The following SREBF2 variants were observed in gnomAD, a reference collection of about 807,000 sequenced individuals.
SREBF2 encodes the protein sterol regulatory element binding transcription factor 2, also known as sterol regulatory element-binding protein 2.
Under a neutral mutation model 113.1 loss-of-function variants are expected in SREBF2, and 55 were observed. The ratio of observed to expected loss-of-function variants is 0.49; its 90% CI spans 0.39 to 0.61. SREBF2 has a LOEUF of 0.61. Among genes scored for constraint, SREBF2 ranks in the 20% least tolerant of loss-of-function variants. SREBF2 has a pLI of 0.00. For synonymous variants in SREBF2, 593 were observed against 605.7 expected (o/e 0.98, Z 0.31); for missense variants, 1,349 against 1,487.4 (o/e 0.91, Z 1.53).
In SREBF2 at chr22:41,877,942, G is replaced by A. The variant is rs2077212036; in HGVS notation, c.1580G>A (p.Gly527Asp). 1.2e-6 allele frequency: 2 copies of A among 1,614,148 alleles called. No individual in the cohort carries two copies. The highest frequency in any genetic ancestry group is 1.3e-5 in the African/African-American group (1 of 75,050). ...ACTCTGCTGAGACGCTCCTTCTTAG[G>A]TTCTGGGGGCTGGTTTGACTGGATG... ...SGRSVLSFES[G>D]SGGWFDWMMP... Residue 527 changes from glycine (G) to aspartate (D), a missense_variant and splice_region_variant, in exon 9 of 19, where the codon GGT (glycine) becomes GAT (aspartate). This residue lies in a region of SREBF2 where 699 missense variants were observed against 843.3 expected (regional missense o/e 0.83). Coordinates refer to ENST00000361204, the MANE Select transcript of SREBF2 (RefSeq NM_004599.4).
chr22:41,844,191 G>A (rs1569370880), intron 1 of SREBF2, among the ~76,000 whole-genome samples: 2 of 151,962 alleles, frequency 1.3e-5, no homozygotes, highest in Non-Finnish European at 2.9e-5. Flanking sequence ...TGGGGGTTGG[G>A]TACCTTAGCT....
Position 41,866,944 on chromosome 22 carries a change from G to GGCAGCA in SREBF2, c.218_223dup (p.Ser73_Ser74dup), listed in dbSNP as rs143615881. 16 of 1,613,126 alleles carry GGCAGCA rather than the reference G, an allele frequency of 9.9e-6. No homozygotes were observed. The highest frequency in any genetic ancestry group is 2.7e-5 in the African/African-American group (2 of 74,604). On this transcript the variant is annotated inframe_insertion, in exon 2 of 19. Coordinates refer to ENST00000361204, the MANE Select transcript of SREBF2 (RefSeq NM_004599.4). ...TAGTGGTAGCAGCAGCGGCAGCAGT[G>GGCAGCA]GCAGCAGCAGCAGCAGCAGCAATGG...
chr22:41,848,376 C>T (rs545878891), intron 1 of SREBF2, among the ~76,000 whole-genome samples: 14 of 152,170 alleles, frequency 9.2e-5, no homozygotes, highest in Admixed American at 4.6e-4. Flanking sequence ...CGTGAGCCAC[C>T]GCGCCTGGCC....
At chr22:41,891,042 C>T (rs186159688) in intron 11 of SREBF2, among the ~76,000 whole-genome samples, 30 of 152,184 alleles carry the variant, frequency 2.0e-4, no homozygotes, top group East Asian at 7.7e-4. Flanking sequence ...TTTGGGCCCT[C>T]GTGAGGGACC....
intron 1 of SREBF2, among the ~76,000 whole-genome samples, chr22:41,857,090 A>C (rs2076984107): frequency 1.3e-5 from 2 of 149,584 alleles, no homozygotes; most frequent in Admixed American, 1.3e-4. Flanking sequence ...AAAGAATTTG[A>C]TTTGATTTAA....
intron 1 of SREBF2, 117 bp from the exon 2 acceptor site, chr22:41,866,714 C>A: frequency 8.2e-7 from 1 of 1,226,512 alleles, no homozygotes; most frequent in Non-Finnish European, 1.2e-6. Flanking sequence ...GTTTCCTGAC[C>A]CATTTCTGCC....
chr22:41,842,288 A>G (rs1387370694), intron 1 of SREBF2, among the ~76,000 whole-genome samples: 2 of 152,190 alleles, frequency 1.3e-5, no homozygotes, highest in Non-Finnish European at 2.9e-5. Flanking sequence ...TTCAAAATGT[A>G]TTTGTTATTA....
chr22:41,868,929 G>T, intron 3 of SREBF2, 137 bp downstream of exon 3: 1 of 1,099,134 alleles, frequency 9.1e-7, no homozygotes. Context: ...GGATGCACCT[G>T]TGAGCAGCGT....
intron 10 of SREBF2, among the ~76,000 whole-genome samples, chr22:41,881,811 C>T (rs1486828862): frequency 6.6e-6 from 1 of 152,168 alleles, no homozygotes; most frequent in African/African-American, 2.4e-5. Flanking sequence ...CTGGCTCACA[C>T]CTGTAGTCCC....
intron 1 of SREBF2, among the ~76,000 whole-genome samples, chr22:41,857,396 A>G (rs2148362667): frequency 6.6e-6 from 1 of 152,342 alleles, no homozygotes; most frequent in Non-Finnish European, 1.5e-5. Flanking sequence ...CAGGGCTGCC[A>G]TGAGAGGCGG....
intron 2 of SREBF2, among the ~76,000 whole-genome samples, chr22:41,867,723 C>A (rs944816800): frequency 6.6e-6 from 1 of 151,994 alleles, no homozygotes; most frequent in Admixed American, 6.6e-5. Context: ...AGGAGAATGG[C>A]GTGAACCCGG....
In SREBF2 at chr22:41,866,903, T is replaced by G. The variant is rs1394627092; in HGVS notation, c.161T>G (p.Phe54Cys). 6.2e-7 allele frequency: 1 copy of G among 1,613,906 alleles called. No individual in the cohort carries two copies. The highest frequency in any genetic ancestry group is 8.5e-7 in the Non-Finnish European group (1 of 1,179,998). Residue 54 changes from phenylalanine (F) to cysteine (C), a missense_variant, in exon 2 of 19, where the codon TTT becomes TGT. Phe to Cys is a radical substitution (Grantham distance 205). Transcript: ENST00000361204. Reference protein sequence around the residue: ...DLFSEQLCSSFPGSGGSGSSS... With the variant: ...DLFSEQLCSSCPGSGGSGSSS... Reference sequence around the variant, plus strand: ...TTTTCAGAACAGCTGTGTAGCTCCTTTCCTGGCAGTGGTGGTAGTGGTAGC... The same window carrying G: ...TTTTCAGAACAGCTGTGTAGCTCCTGTCCTGGCAGTGGTGGTAGTGGTAGC...
Position 41,904,931 on chromosome 22 carries a change from G to A in SREBF2, c.3162G>A (p.Leu1054=), listed in dbSNP as rs747194744. 6.2e-7 allele frequency: 1 copy of A among 1,605,866 alleles called. No individual in the cohort carries two copies. The highest frequency in any genetic ancestry group is 8.5e-7 in the Non-Finnish European group (1 of 1,178,862). The change falls in exon 18 of 19, where the codon CTG becomes CTA. Residue 1054 remains leucine (L), a synonymous_variant. Coordinates refer to ENST00000361204, the MANE Select transcript of SREBF2 (RefSeq NM_004599.4). ...GASPTRTHQL[L]EHSLRRRTTQ... Reference sequence around the variant, plus strand: ...GCCCCACCCGCACCCACCAGCTGCTGGAACACAGCCTGCGGCGGCGCACCA... The same window carrying A: ...GCCCCACCCGCACCCACCAGCTGCTAGAACACAGCCTGCGGCGGCGCACCA...
At chr22:41,872,717 C>T (rs4820447) in intron 4 of SREBF2, among the ~76,000 whole-genome samples, 18,764 of 151,388 alleles carry the variant, frequency 0.12, 1,675 homozygotes, top group Admixed American at 0.31. Context: ...ATGATGAAAT[C>T]CCATCTCTAC....
chr22:41,899,759 A>G (rs912727516), intron 15 of SREBF2, among the ~76,000 whole-genome samples: 1 of 152,164 alleles, frequency 6.6e-6, no homozygotes, highest in African/African-American at 2.4e-5. Flanking sequence ...ACCTCGCTCC[A>G]GAGCAGCAGA....
Position 41,875,740 on chromosome 22 carries a change from A to G in SREBF2, c.1386+16A>G, listed in dbSNP as rs781580879. ...TGATGCAAAGGTACAGACTTTTGAA[A>G]TCTCCTGATCCCTGGAATCTTTCCC... On this transcript the variant is annotated intron_variant, in intron 7 of 18. Transcript: ENST00000361204. The G allele has an allele frequency of 7.3e-5, 118 of 1,613,692 alleles. 1 individual carries two copies. The highest frequency in any genetic ancestry group is 9.8e-5 in the Non-Finnish European group (116 of 1,179,810).
At chr22:41,894,014 T>A (rs2077388554) in intron 12 of SREBF2, among the ~76,000 whole-genome samples, 1 of 152,180 alleles carries the variant, frequency 6.6e-6, no homozygotes, top group South Asian at 2.1e-4. Context: ...TTTTAAATAA[T>A]AACTGTATTG....
chr22:41,900,885 CAG>C (rs1569411812), intron 16 of SREBF2: 3 of 520,090 alleles, frequency 5.8e-6, no homozygotes, highest in South Asian at 1.5e-5. Flanking sequence ...GGCACACAAA[CAG>C]AGCTGAAGAC....
At chr22:41,893,407 TTTGTTTG>T (rs2077383253) in intron 12 of SREBF2, 122 bp downstream of exon 12, 1 of 959,856 alleles carries the variant, frequency 1.0e-6, no homozygotes, top group African/African-American at 1.6e-5. Flanking sequence ...AGTCCGTTTG[TTTGTTTG>T]TTTGTTTGTT....
Sources: gnomAD v4.1 joint callset for allele counts (sites outside exome capture counted in the v4.1 genomes callset) on GRCh38, gnomAD v4.1.1 for gene constraint, gnomAD v4.1.1 regional missense constraint, MANE v1.5 for transcripts, NCBI Gene and HGNC (gene_info 2026-07-23, HGNC 2026-07-21) for gene names.